DACH2: variants seen among roughly 807,000 people sequenced by gnomAD.
The protein encoded by DACH2 is dachshund family transcription factor 2.
A neutral mutation model predicts 35.8 loss-of-function variants in DACH2; 17 were observed. The ratio of observed to expected loss-of-function variants is 0.48; its 90% CI spans 0.33 to 0.71. The LOEUF (loss-of-function observed/expected upper bound fraction) is 0.71, where lower values mean the gene tolerates loss of function less well. Ranked by LOEUF, DACH2 falls within the 30% of genes least tolerant of loss-of-function variation. DACH2 has a pLI of 0.02. For synonymous variants in DACH2, 195 were observed against 177.3 expected (o/e 1.10, Z -0.79); for missense variants, 469 against 472.7 (o/e 0.99, Z 0.07).
In DACH2 at chrX:86,511,616, G is replaced by A. The variant is rs114028738; in HGVS notation, c.528-2663G>A. Among the ~76,000 whole-genome samples the A allele has an allele frequency of 7.7e-3, 863 of 111,545 alleles. 10 individuals carry two copies. The highest frequency in any genetic ancestry group is 0.027 in the African/African-American group (824 of 30,765). On this transcript the variant is annotated intron_variant, in intron 2 of 11. Transcript: ENST00000373125. ...AAATCAAACCAAAATCTTTGCCCTC[G>A]TTGAGGTTACATTTTACCCTCTGTG...
chrX:86,320,074 T>C (rs1344890953), intron 1 of DACH2, among the ~76,000 whole-genome samples: 1 of 111,444 alleles, frequency 9.0e-6, no homozygotes, highest in East Asian at 2.8e-4. Context: ...AAATAGAGAT[T>C]TTTTTTCCAA....
At chrX:86,831,269 A>C (rs977092513) in intron 11 of DACH2, 3 of 111,672 alleles carry the variant, frequency 2.7e-5, no homozygotes, top group African/African-American at 9.7e-5. Context: ...TAGTCCAACA[A>C]TGATAATGTC....
intron 1 of DACH2, among the ~76,000 whole-genome samples, chrX:86,306,183 T>C (rs915209633): frequency 8.9e-6 from 1 of 112,025 alleles, no homozygotes; most frequent in African/African-American, 3.2e-5. Context: ...AGCCAAGATA[T>C]GAAATCAACC....
chrX:86,657,320 T>C (rs1490188244), intron 4 of DACH2, among the ~76,000 whole-genome samples: 1 of 111,357 alleles, frequency 9.0e-6, no homozygotes, highest in Admixed American at 9.5e-5. Context: ...GATGTGATTA[T>C]TGTTTTGTAT....
chrX:86,608,439 T>G (rs1352750281), intron 3 of DACH2, among the ~76,000 whole-genome samples: 1 of 112,093 alleles, frequency 8.9e-6, no homozygotes, highest in Non-Finnish European at 1.9e-5. Flanking sequence ...ATTGGTTCAT[T>G]GTTTAGTCTT....
chrX:86,265,263 T>A (rs950587400), intron 1 of DACH2, among the ~76,000 whole-genome samples: 3 of 111,415 alleles, frequency 2.7e-5, no homozygotes, highest in African/African-American at 9.8e-5. Flanking sequence ...GTGTAAGTGA[T>A]CTTCTCTTAA....
chrX:86,780,525 A>G (rs1441035087), intron 7 of DACH2, among the ~76,000 whole-genome samples: 1 of 112,142 alleles, frequency 8.9e-6, no homozygotes, highest in Non-Finnish European at 1.9e-5. Context: ...AATTTACAAC[A>G]ATATTTAACA....
chrX:86,587,982 T>C (rs1401856062), intron 3 of DACH2, among the ~76,000 whole-genome samples: 1 of 111,793 alleles, frequency 8.9e-6, no homozygotes, highest in Non-Finnish European at 1.9e-5. Flanking sequence ...GGTTTTCTTC[T>C]AGGATTTTTA....
chrX:86,745,861 TA>T (rs1284293817), intron 7 of DACH2, among the ~76,000 whole-genome samples: 1 of 111,626 alleles, frequency 9.0e-6, no homozygotes, highest in Non-Finnish European at 1.9e-5. Context: ...CACCAGTGTA[TA>T]AGCATTCCTT....
chrX:86,606,659 G>A (rs1274433778), intron 3 of DACH2, among the ~76,000 whole-genome samples: 3 of 111,348 alleles, frequency 2.7e-5, no homozygotes, highest in Admixed American at 1.9e-4. Flanking sequence ...GCAAAAGAAT[G>A]TGTATTCTGC....
At chrX:86,608,126 CAAAAG>C (rs1415212949) in intron 3 of DACH2, among the ~76,000 whole-genome samples, 3 of 110,906 alleles carry the variant, frequency 2.7e-5, no homozygotes. Flanking sequence ...GGACACTTCT[CAAAAG>C]AAGACATTTA....
At chrX:86,760,156 T>G (rs2041866358) in intron 7 of DACH2, among the ~76,000 whole-genome samples, 1 of 111,515 alleles carries the variant, frequency 9.0e-6, no homozygotes. Context: ...TTTTGACAGT[T>G]TGATGTAATG....
At chrX:86,497,917 C>T (rs762849186) in intron 2 of DACH2, among the ~76,000 whole-genome samples, 60 of 111,213 alleles carry the variant, frequency 5.4e-4, no homozygotes, top group Non-Finnish European at 1.0e-3. Flanking sequence ...TTGCTTGAAC[C>T]CAGGAGGTAG....
At chrX:86,511,345 T>C (rs1017644154) in intron 2 of DACH2, among the ~76,000 whole-genome samples, 7 of 111,947 alleles carry the variant, frequency 6.3e-5, no homozygotes, top group African/African-American at 2.3e-4. Flanking sequence ...TTTCACAAAC[T>C]TCATTCCAAT....
At chrX:86,592,980 T>C (rs180808705) in intron 3 of DACH2, among the ~76,000 whole-genome samples, 1 of 112,017 alleles carries the variant, frequency 8.9e-6, no homozygotes, top group Non-Finnish European at 1.9e-5. Context: ...TATTTTCTTC[T>C]TTTCAATATG....
At chrX:86,830,966 G>A (rs994128865) in intron 11 of DACH2, 8 of 111,322 alleles carry the variant, frequency 7.2e-5, no homozygotes, top group African/African-American at 2.6e-4. Flanking sequence ...CCCTGGAAAA[G>A]TTTAAGTGAA....
intron 1 of DACH2, among the ~76,000 whole-genome samples, chrX:86,207,732 A>T (rs1344037540): frequency 9.0e-6 from 1 of 110,991 alleles, no homozygotes; most frequent in Non-Finnish European, 1.9e-5. Flanking sequence ...TGGTGTTGCT[A>T]ATGTGAAAAG....
intron 1 of DACH2, among the ~76,000 whole-genome samples, chrX:86,252,981 T>C (rs1206437722): frequency 9.0e-6 from 1 of 111,017 alleles, no homozygotes; most frequent in Non-Finnish European, 1.9e-5. Flanking sequence ...CAACTGTCAC[T>C]GTTTGCAGAT....
chrX:86,462,031 C>A (rs1569410195), intron 2 of DACH2, among the ~76,000 whole-genome samples: 1 of 111,133 alleles, frequency 9.0e-6, no homozygotes, highest in Non-Finnish European at 1.9e-5. Context: ...AAACTTTATG[C>A]ACAAATTAAA....
Sources: allele counts gnomAD v4.1 joint callset (sites outside exome capture counted in the v4.1 genomes callset), GRCh38; gene constraint gnomAD v4.1.1; transcripts MANE v1.5; gene names NCBI Gene and HGNC (gene_info 2026-07-23, HGNC 2026-07-21).